The following SPATS2L variants were observed in gnomAD, a reference collection of about 807,000 sequenced individuals.
The protein encoded by SPATS2L is SPATS2-like protein.
Under a neutral mutation model 59.6 loss-of-function variants are expected in SPATS2L, and 30 were observed. The ratio of observed to expected loss-of-function variants is 0.50; its 90% CI spans 0.38 to 0.68. SPATS2L has a LOEUF of 0.68. Ranked by LOEUF, SPATS2L falls within the 30% of genes least tolerant of loss-of-function variation. The pLI is 0.00. For missense variants in SPATS2L, 615 were observed against 700.0 expected (o/e 0.88, Z 1.37); for synonymous variants, 252 against 263.5 (o/e 0.96, Z 0.42).
At chr2:200,336,095 A>G (rs6435049) in intron 2 of SPATS2L, among the ~76,000 whole-genome samples, 96,053 of 152,232 alleles carry the variant, frequency 0.63, 34,236 homozygotes, top group South Asian at 0.88. Flanking sequence ...AAGAATTCTC[A>G]TAAGTTGAAG....
chr2:200,447,063 T>C (rs1013695858), intron 8 of SPATS2L, among the ~76,000 whole-genome samples: 7 of 152,248 alleles, frequency 4.6e-5, no homozygotes, highest in Non-Finnish European at 8.8e-5. Flanking sequence ...TAGCTAATGA[T>C]AGGCAGTCAC....
At chr2:200,372,393 A>G (rs2081455532) in intron 2 of SPATS2L, 1 of 156,424 alleles carries the variant, frequency 6.4e-6, no homozygotes, top group Non-Finnish European at 1.4e-5. Flanking sequence ...GAATAAAGGG[A>G]AAGGAACATA....
At chr2:200,460,092 T>C (rs1574660570) in intron 9 of SPATS2L, among the ~76,000 whole-genome samples, 1 of 152,184 alleles carries the variant, frequency 6.6e-6, no homozygotes, top group African/African-American at 2.4e-5. Context: ...TAGGTGTCAG[T>C]TGAGTTTTCT....
chr2:200,352,313 TTATATATATATATATATATA>T (rs869105613), intron 2 of SPATS2L, among the ~76,000 whole-genome samples: 3 of 8,650 alleles, frequency 3.5e-4, no homozygotes, highest in African/African-American at 4.7e-4. Context: ...CCAGCAGTTT[TTATATATATATATATATATA>T]TATATATATA....
chr2:200,324,407 G>C (rs1236628922), intron 1 of SPATS2L, among the ~76,000 whole-genome samples: 1 of 151,992 alleles, frequency 6.6e-6, no homozygotes, highest in Non-Finnish European at 1.5e-5. Context: ...AGGTGGTGAG[G>C]GTCAACCTGC....
intron 2 of SPATS2L, among the ~76,000 whole-genome samples, chr2:200,336,133 GA>G (rs974450755): frequency 1.3e-5 from 2 of 152,168 alleles, no homozygotes; most frequent in African/African-American, 4.8e-5. Flanking sequence ...AGCAAAAAAA[GA>G]ATGGCAAAGC....
chr2:200,383,319 T>C (rs1317352830), intron 2 of SPATS2L, among the ~76,000 whole-genome samples: 1 of 152,272 alleles, frequency 6.6e-6, no homozygotes, highest in Non-Finnish European at 1.5e-5. Context: ...TTTAATACTG[T>C]ATTTTATTTA....
At chr2:200,462,211 T>C (rs1434475341) in intron 9 of SPATS2L, among the ~76,000 whole-genome samples, 1 of 152,216 alleles carries the variant, frequency 6.6e-6, no homozygotes, top group East Asian at 1.9e-4. Context: ...CATCACTTTC[T>C]TAGAGGTCAA....
chr2:200,366,647 C>T (rs973043189), intron 2 of SPATS2L, among the ~76,000 whole-genome samples: 14 of 152,070 alleles, frequency 9.2e-5, no homozygotes, highest in African/African-American at 3.1e-4. Context: ...AAGGAAAATG[C>T]AAACTAACAT....
intron 10 of SPATS2L, among the ~76,000 whole-genome samples, chr2:200,468,812 T>G (rs189261113): frequency 6.6e-6 from 1 of 152,248 alleles, no homozygotes; most frequent in Non-Finnish European, 1.5e-5. Context: ...ATGTTCCAAC[T>G]TCCATCTCTC....
chr2:200,353,835 T>C (rs2080820565), intron 2 of SPATS2L, among the ~76,000 whole-genome samples: 1 of 152,214 alleles, frequency 6.6e-6, no homozygotes, highest in Non-Finnish European at 1.5e-5. Context: ...GCTTTTACAT[T>C]TTCTTGGCAG....
rs368520605 is a variant in SPATS2L, at chr2:200,385,909, G to A, written c.-22-3314G>A. ...AGGGTTTCACTGTGTTAGCCAGGAT[G>A]GTCTCGATCTCCTGACCTCGTGATC... On this transcript the variant is annotated intron_variant, in intron 2 of 12. Coordinates refer to ENST00000409140, the MANE Select transcript of SPATS2L (RefSeq NM_001100423.2). Among the ~76,000 whole-genome samples, 13 of 152,214 alleles carry A rather than the reference G, an allele frequency of 8.5e-5. No homozygotes were observed. In the South Asian group the frequency reaches 1.0e-3, roughly 12 times the overall value.
In SPATS2L at chr2:200,334,199, C is replaced by T. The variant is rs572075556; in HGVS notation, c.-23+4719C>T. Among the ~76,000 whole-genome samples the T allele has an allele frequency of 4.4e-3, 675 of 152,298 alleles. 1 individual carries two copies. The highest frequency in any genetic ancestry group is 0.014 in the Middle Eastern group (4 of 294). ...GACTTTTTAATGATCGCCATTCTAA[C>T]TGGTGTGAGATGGTATCTCATTATG... On this transcript the variant is annotated intron_variant, in intron 2 of 12. Transcript: ENST00000409140.
chr2:200,412,789 C>T (rs6749529), intron 4 of SPATS2L, among the ~76,000 whole-genome samples: 70,158 of 151,958 alleles, frequency 0.46, 17,296 homozygotes, highest in Non-Finnish European at 0.55. Context: ...CAGTGACTCA[C>T]GCCTGTAGTC....
At chr2:200,421,710 C>T (rs1291253188) in intron 6 of SPATS2L, among the ~76,000 whole-genome samples, 1 of 152,186 alleles carries the variant, frequency 6.6e-6, no homozygotes, top group African/African-American at 2.4e-5. Context: ...AATCTGAATT[C>T]TCCAGAAATT....
chr2:200,462,450 C>T (rs1011974761), intron 9 of SPATS2L, among the ~76,000 whole-genome samples: 1 of 152,212 alleles, frequency 6.6e-6, no homozygotes, highest in Non-Finnish European at 1.5e-5. Flanking sequence ...GATTGGTTGA[C>T]AGAGTTCACC....
chr2:200,341,745 A>G (rs1036235751), intron 2 of SPATS2L, among the ~76,000 whole-genome samples: 1 of 148,976 alleles, frequency 6.7e-6, no homozygotes, highest in Non-Finnish European at 1.5e-5. Context: ...GCTGGAGTGC[A>G]GTGGTGGGAT....
At chr2:200,423,878 CAG>C (rs1356369508) in intron 6 of SPATS2L, among the ~76,000 whole-genome samples, 1 of 152,152 alleles carries the variant, frequency 6.6e-6, no homozygotes, top group Admixed American at 6.5e-5. Flanking sequence ...AAGTCTTAAA[CAG>C]AATCATTTTT....
At chr2:200,451,319 C>T (rs1209395277) in intron 8 of SPATS2L, among the ~76,000 whole-genome samples, 1 of 151,850 alleles carries the variant, frequency 6.6e-6, no homozygotes, top group Admixed American at 6.6e-5. Flanking sequence ...AGAGCCAGAC[C>T]CTGTCTCAAA....
Sources: gnomAD v4.1 joint callset for allele counts (sites outside exome capture counted in the v4.1 genomes callset) on GRCh38, gnomAD v4.1.1 for gene constraint, MANE v1.5 for transcripts, NCBI Gene and HGNC (gene_info 2026-07-23, HGNC 2026-07-21) for gene names.